BCHE: variants seen among roughly 807,000 people sequenced by gnomAD.
The protein encoded by BCHE is cholinesterase.
Under a neutral mutation model 51.3 loss-of-function variants are expected in BCHE, and 48 were observed. The ratio of observed to expected loss-of-function variants is 0.94; its 90% confidence interval spans 0.74 to 1.19. The LOEUF (loss-of-function observed/expected upper bound fraction) is 1.19, where lower values mean the gene tolerates loss of function less well. Among genes scored for constraint, BCHE ranks in the 50% most tolerant of loss-of-function variants. The pLI is 0.00. For synonymous variants in BCHE, 251 were observed against 238.0 expected (o/e 1.05, Z -0.50); for missense variants, 847 against 708.2 (o/e 1.20, Z -2.23).
intron 2 of BCHE, among the ~76,000 whole-genome samples, chr3:165,802,664 A>C (rs181387776): frequency 6.6e-6 from 1 of 151,676 alleles, no homozygotes; most frequent in African/African-American, 2.4e-5. Context: ...GGAGACATTT[A>C]CAGAGATATA....
At chr3:165,793,495 A>G (rs1054077465) in intron 2 of BCHE, among the ~76,000 whole-genome samples, 2 of 152,176 alleles carry the variant, frequency 1.3e-5, no homozygotes, top group African/African-American at 4.8e-5. Flanking sequence ...ACAGCCTGAA[A>G]TTGTGCCTGA....
At position 165,781,081 on chromosome 3, in the gene BCHE, A is replaced by C. The variant is rs564926234; in HGVS notation, c.1684+5064T>G. Among the ~76,000 whole-genome samples the C allele has an allele frequency of 2.0e-5, 3 of 152,182 alleles. No individual in the cohort carries two copies. In the East Asian group the frequency reaches 5.8e-4, roughly 30 times the overall value. ...ACATGGAGAAACCCTGTCTATACTA[A>C]AAATACAAAATTAGCCAGGCGTGGT... On this transcript the variant is annotated intron_variant, in intron 3 of 3. Coordinates refer to ENST00000264381, the MANE Select transcript of BCHE (RefSeq NM_000055.4).
chr3:165,833,479 G>C (rs1441527550), intron 1 of BCHE, among the ~76,000 whole-genome samples: 6 of 152,064 alleles, frequency 3.9e-5, no homozygotes. Flanking sequence ...AATGGTAACT[G>C]TATGTGTATG....
At chr3:165,774,007 T>TG (rs1712358919) in intron 3 of BCHE, among the ~76,000 whole-genome samples, 1 of 152,064 alleles carries the variant, frequency 6.6e-6, no homozygotes, top group Non-Finnish European at 1.5e-5. Context: ...AATCCTCTCA[T>TG]ACTCAAGTCC....
chr3:165,811,661 A>C (rs948464215), intron 2 of BCHE, among the ~76,000 whole-genome samples: 1 of 152,044 alleles, frequency 6.6e-6, no homozygotes, highest in South Asian at 2.1e-4. Context: ...ATTTCAAATA[A>C]AACAATATAA....
intron 3 of BCHE, among the ~76,000 whole-genome samples, chr3:165,781,347 GAT>G (rs78119247): frequency 0.18 from 27,748 of 152,056 alleles, 2,512 homozygotes; most frequent in Middle Eastern, 0.2. Context: ...GCCTATCAGT[GAT>G]AGACTGGATA....
intron 3 of BCHE, among the ~76,000 whole-genome samples, chr3:165,777,950 T>C (rs983938029): frequency 2.6e-5 from 4 of 152,118 alleles, no homozygotes; most frequent in South Asian, 4.1e-4. Context: ...ATATTATTCA[T>C]AAAATATGTT....
intron 2 of BCHE, among the ~76,000 whole-genome samples, chr3:165,820,923 C>T (rs955071479): frequency 2.6e-5 from 4 of 151,878 alleles, no homozygotes; most frequent in Non-Finnish European, 5.9e-5. Context: ...GGCAGCCTGG[C>T]GAATGTATAA....
chr3:165,798,669 T>C (rs943085801), intron 2 of BCHE, among the ~76,000 whole-genome samples: 1 of 152,098 alleles, frequency 6.6e-6, no homozygotes, highest in Non-Finnish European at 1.5e-5. Flanking sequence ...ATTAAAAAAA[T>C]TGATATTACT....
chr3:165,774,131 A>G (rs1712367324), intron 3 of BCHE, among the ~76,000 whole-genome samples: 3 of 152,152 alleles, frequency 2.0e-5, no homozygotes, highest in Admixed American at 1.3e-4. Flanking sequence ...TGTTTAAGGA[A>G]TAATGATAAG....
At chr3:165,780,712 T>A (rs191268384) in intron 3 of BCHE, among the ~76,000 whole-genome samples, 181 of 152,234 alleles carry the variant, frequency 1.2e-3, no homozygotes, top group Non-Finnish European at 2.0e-3. Flanking sequence ...CACAATGAGA[T>A]ACCATCTCAC....
intron 2 of BCHE, among the ~76,000 whole-genome samples, chr3:165,819,937 G>A (rs1215089894): frequency 6.6e-6 from 1 of 152,066 alleles, no homozygotes; most frequent in Non-Finnish European, 1.5e-5. Context: ...CTAAAAAAAT[G>A]ATTTATTAAT....
chr3:165,783,386 CT>C (rs1712793095), intron 3 of BCHE, among the ~76,000 whole-genome samples: 1 of 152,080 alleles, frequency 6.6e-6, no homozygotes, highest in East Asian at 1.9e-4. Context: ...TTCGAAGCCA[CT>C]TGTTTATTTG....
In BCHE at chr3:165,829,505, A is replaced by G. The variant is rs966358571; in HGVS notation, c.1517+12T>C. ...ACCAAGCCAGAGAACAATGACAAAA[A>G]TCAGCACTTACCCATATTTTGCAAA... is the stretch of plus-strand genomic sequence containing the variant. On this transcript the variant is annotated intron_variant, in intron 2 of 3. Transcript: ENST00000264381. The G allele has an allele frequency of 6.2e-7, 1 of 1,606,034 alleles. No individual in the cohort carries two copies. Among genetic ancestry groups the G allele is most frequent in the Admixed American group, 1.7e-5 (1 of 59,938 alleles).
intron 1 of BCHE, among the ~76,000 whole-genome samples, chr3:165,836,306 G>GT (rs1417698407): frequency 6.6e-6 from 1 of 151,836 alleles, no homozygotes; most frequent in African/African-American, 2.4e-5. Flanking sequence ...CTTAAACAAA[G>GT]TAACTACTTA....
At chr3:165,777,880 A>T (rs1712534542) in intron 3 of BCHE, 2 of 348,576 alleles carry the variant, frequency 5.7e-6, no homozygotes, top group African/African-American at 2.1e-5. Context: ...TTTCTCTCTT[A>T]TGATTTTCAT....
At chr3:165,791,949 A>C (rs1200056417) in intron 2 of BCHE, among the ~76,000 whole-genome samples, 1 of 78,968 alleles carries the variant, frequency 1.3e-5, no homozygotes, top group Non-Finnish European at 2.7e-5. Flanking sequence ...TCCATCTCAA[A>C]AAATAAAATA....
At chr3:165,813,908 A>G (rs113533754) in intron 2 of BCHE, among the ~76,000 whole-genome samples, 3,455 of 152,112 alleles carry the variant, frequency 0.023, 79 homozygotes, top group African/African-American at 0.055. Context: ...TAATTTACAT[A>G]TACTCTAATG....
intron 3 of BCHE, among the ~76,000 whole-genome samples, chr3:165,779,451 C>A (rs1712597390): frequency 6.6e-6 from 1 of 151,908 alleles, no homozygotes; most frequent in Non-Finnish European, 1.5e-5. Context: ...AAAGGGTATT[C>A]AAATAAAAAG....
Sources: allele counts gnomAD v4.1 joint callset (sites outside exome capture counted in the v4.1 genomes callset), GRCh38; gene constraint gnomAD v4.1.1; transcripts MANE v1.5; gene names NCBI Gene and HGNC (gene_info 2026-07-23, HGNC 2026-07-21).